PFKFB3: variants seen among roughly 807,000 people sequenced by gnomAD.
PFKFB3 encodes the protein 6-phosphofructo-2-kinase/fructose-2,6-biphosphatase 3.
PFKFB3 carries 33 observed loss-of-function variants against 68.0 expected under a neutral mutation model. The ratio of observed to expected loss-of-function variants is 0.49; its 90% CI spans 0.37 to 0.65. The LOEUF (loss-of-function observed/expected upper bound fraction) is 0.65. Among genes scored for constraint, PFKFB3 ranks in the 30% least tolerant of loss-of-function variants. PFKFB3 has a pLI of 0.00. For synonymous variants in PFKFB3, 315 were observed against 288.2 expected, an observed-to-expected ratio of 1.09 and a Z score of -0.94; for missense variants, 586 against 712.2, an observed-to-expected ratio of 0.82 and a Z score of 2.02.
Position 6,203,167 on chromosome 10 carries a change from C to T in PFKFB3, c.-94C>T, listed in dbSNP as rs548865023. The T allele has an allele frequency of 4.0e-5, 61 of 1,536,670 alleles. No individual in the cohort carries two copies. Among genetic ancestry groups the T allele is most frequent in the Admixed American group, 6.2e-5 (3 of 48,676 alleles). ...CCGGCCGCGCGCCGGCGCACGCCCC[C>T]CTCTCCTCCTTTGTTCCGGGGGTCG... On this transcript the variant is annotated 5_prime_UTR_variant, in exon 1 of 15. Coordinates refer to ENST00000379775, the MANE Select transcript of PFKFB3 (RefSeq NM_004566.4).
At chr10:6,259,711 C>T in the PFKFB3 span, among the ~76,000 whole-genome samples, 1 of 152,232 alleles carries the variant, frequency 6.6e-6, no homozygotes, top group Non-Finnish European at 1.5e-5. Context: ...TTGTGGTAGT[C>T]ACCTTGTCTC....
At chr10:6,244,876 T>C (rs7916923) in intron 14 of PFKFB3, among the ~76,000 whole-genome samples, 64,843 of 151,992 alleles carry the variant, frequency 0.43, 14,414 homozygotes, top group Non-Finnish European at 0.47. Context: ...AGCTAGGAGT[T>C]CATTTTATAA....
At chr10:6,151,307 T>TC (rs1204356556) in intron 1 of PFKFB3, among the ~76,000 whole-genome samples, 3 of 151,148 alleles carry the variant, frequency 2.0e-5, no homozygotes, top group African/African-American at 7.4e-5. Context: ...TCCTGGCACT[T>TC]CCGCAAGCAG....
At chr10:6,185,385 T>G (rs76153316) in intron 1 of PFKFB3, among the ~76,000 whole-genome samples, 1 of 152,244 alleles carries the variant, frequency 6.6e-6, no homozygotes, top group Non-Finnish European at 1.5e-5. Context: ...CATTGATAAC[T>G]TCACATGAGG....
In PFKFB3 at chr10:6,222,920, G is replaced by T. The variant is rs2230272; in HGVS notation, c.1149G>T (p.Val383=). The change falls in exon 11 of 15, where the codon GTG becomes GTT. Residue 383 remains valine, a synonymous_variant. Coordinates refer to ENST00000379775, the MANE Select transcript of PFKFB3 (RefSeq NM_004566.4). ...VIMELERQEN[V]LVICHQAVLR... is the part of the protein sequence containing the mutation. The stretch of plus-strand genomic sequence containing the variant: ...TGGAGCTGGAGCGGCAGGAGAATGT[G>T]CTGGTCATCTGCCACCAGGCCGTCC... 1 of 1,613,840 alleles carries T rather than the reference G, an allele frequency of 6.2e-7. No homozygotes were observed. Among genetic ancestry groups the T allele is most frequent in the Non-Finnish European group, 8.5e-7 (1 of 1,179,926 alleles).
chr10:6,147,976 T>C (rs1044352595), intron 1 of PFKFB3, among the ~76,000 whole-genome samples: 1 of 152,178 alleles, frequency 6.6e-6, no homozygotes. Context: ...CCCTCACTTA[T>C]GGGAGGAACT....
intron 14 of PFKFB3, among the ~76,000 whole-genome samples, chr10:6,243,428 AAAGG>A (rs773377574): frequency 6.6e-6 from 1 of 152,226 alleles, no homozygotes; most frequent in Non-Finnish European, 1.5e-5. Context: ...GGAAGAAAGA[AAAGG>A]AAGCCCACAG....
upstream of PFKFB3, chr10:6,197,939 C>T (rs1843218643): frequency 6.6e-6 from 1 of 151,894 alleles, no homozygotes; most frequent in African/African-American, 2.4e-5. Context: ...TTTGTTTTAC[C>T]AATCAAGGTT....
the PFKFB3 span, among the ~76,000 whole-genome samples, chr10:6,268,773 G>A: frequency 1.3e-5 from 2 of 151,452 alleles, no homozygotes; most frequent in Non-Finnish European, 2.9e-5. Context: ...TATAATCCCA[G>A]CACTTTGAGA....
chr10:6,292,315 C>T, the PFKFB3 span, among the ~76,000 whole-genome samples: 4 of 111,664 alleles, frequency 3.6e-5, no homozygotes, highest in Non-Finnish European at 5.1e-5. Context: ...GACAGAGTCT[C>T]ACTCTGTCGC....
intron 1 of PFKFB3, among the ~76,000 whole-genome samples, chr10:6,155,937 T>C (rs1339476636): frequency 1.3e-5 from 2 of 152,162 alleles, no homozygotes; most frequent in Admixed American, 1.3e-4. Context: ...TTAAAATGTT[T>C]TTATGTTTAG....
the PFKFB3 span, among the ~76,000 whole-genome samples, chr10:6,300,507 GAGCT>G: frequency 6.6e-6 from 1 of 152,192 alleles, no homozygotes; most frequent in Non-Finnish European, 1.5e-5. Flanking sequence ...TTAGCAGCAT[GAGCT>G]GCCTTGAAAA....
chr10:6,177,925 AGGTGGGCACGTGG>A (rs1842577610), intron 1 of PFKFB3, among the ~76,000 whole-genome samples: 1 of 152,030 alleles, frequency 6.6e-6, no homozygotes, highest in Non-Finnish European at 1.5e-5. Flanking sequence ...TGGATACCTG[AGGTGGGCACGTGG>A]GGTGGACACG....
rs1055180133 is a variant in PFKFB3 at position 6,234,304 on chromosome 10, C to G, written c.*1362C>G. 2.6e-5 allele frequency: 4 copies of G among 152,336 alleles called. No individual in the cohort carries two copies. Among genetic ancestry groups the G allele is most frequent in the Non-Finnish European group, 5.9e-5 (4 of 68,046 alleles). 9.4% of individuals were successfully genotyped at this position (152,336 alleles called of 1,614,324 possible). A position where few individuals can be genotyped will look rare whatever the true frequency, so the allele number is the denominator to read the frequency against. Reference sequence around the variant, plus strand: ...CTGCTGTGAGCCCTGAGATCCTCCTCCCAGCTCAAGGGACAGGTCCTGGGT... The same window carrying G: ...CTGCTGTGAGCCCTGAGATCCTCCTGCCAGCTCAAGGGACAGGTCCTGGGT... On this transcript the variant is annotated 3_prime_UTR_variant, in exon 15 of 15. Coordinates refer to ENST00000379775, the MANE Select transcript of PFKFB3 (RefSeq NM_004566.4).
chr10:6,169,667 C>T (rs1842247199), intron 1 of PFKFB3, among the ~76,000 whole-genome samples: 1 of 152,082 alleles, frequency 6.6e-6, no homozygotes, highest in Non-Finnish European at 1.5e-5. Flanking sequence ...GTATCCTGGG[C>T]TCTCTAGAGG....
chr10:6,278,698 C>T, the PFKFB3 span, among the ~76,000 whole-genome samples: 24 of 152,364 alleles, frequency 1.6e-4, no homozygotes, highest in African/African-American at 5.5e-4. Flanking sequence ...ATACTAACTT[C>T]TAGAGCAGAG....
rs1841704752 is a variant in PFKFB3, at chr10:6,154,489, T to G, written c.16+9476T>G. Among the ~76,000 whole-genome samples, 1 of 152,138 alleles carries G rather than the reference T, an allele frequency of 6.6e-6. No homozygotes were observed. Among genetic ancestry groups the G allele is most frequent in the Non-Finnish European group, 1.5e-5 (1 of 68,016 alleles). On this transcript the variant is annotated intron_variant, in intron 1 of 14. Transcript: ENST00000379789. This position sits in a 1 kb window ranked among gnomAD's most constrained non-coding sequence, Gnocchi z 4.6. The stretch of plus-strand genomic sequence containing the variant: ...TCTTGAACTCCTGAGTTCAAGTGAT[T>G]TGCCCGCCTCGGCCTTCCAAAGTGC...
chr10:6,285,450 C>T, the PFKFB3 span, among the ~76,000 whole-genome samples: 1 of 152,104 alleles, frequency 6.6e-6, no homozygotes, highest in African/African-American at 2.4e-5. Context: ...TCAGGCTGGT[C>T]TCAAACTCCT....
At chr10:6,249,828 AT>A (rs1279756390) in intron 14 of PFKFB3, among the ~76,000 whole-genome samples, 1 of 152,168 alleles carries the variant, frequency 6.6e-6, no homozygotes, top group African/African-American at 2.4e-5. Context: ...AAGGGAGTAA[AT>A]TTTAAATATT....
Sources: gnomAD v4.1 joint callset for allele counts (sites outside exome capture counted in the v4.1 genomes callset) on GRCh38, gnomAD v4.1.1 for gene constraint, Gnocchi (gnomAD v3.1) non-coding constraint, MANE v1.5 for transcripts, NCBI Gene and HGNC (gene_info 2026-07-23, HGNC 2026-07-21) for gene names.